The following FAM47E variants were observed in gnomAD, a reference collection of about 807,000 sequenced individuals.
The protein encoded by FAM47E is protein FAM47E.
Under a neutral mutation model 41.6 loss-of-function variants are expected in FAM47E, and 32 were observed. The ratio of observed to expected loss-of-function variants is 0.77; its 90% confidence interval spans 0.58 to 1.03. FAM47E has a LOEUF of 1.03. FAM47E is among the 50% of genes least tolerant of loss of function. FAM47E has a pLI of 0.00. For missense variants in FAM47E, 424 were observed against 485.4 expected (o/e 0.87, Z 1.19); for synonymous variants, 184 against 188.7 (o/e 0.98, Z 0.20).
intron 2 of FAM47E, among the ~76,000 whole-genome samples, chr4:76,239,878 A>G (rs1733670541): frequency 6.6e-6 from 1 of 152,128 alleles, no homozygotes; most frequent in Non-Finnish European, 1.5e-5. Context: ...ACATTAGGTT[A>G]TGGATCTAGT....
At chr4:76,247,932 T>TTTTTG (rs1733864960), upstream of FAM47E, among the ~76,000 whole-genome samples, 1 of 133,764 alleles carries the variant, frequency 7.5e-6, no homozygotes, top group Non-Finnish European at 1.6e-5. Context: ...TTTTTTTTTT[T>TTTTTG]GAGACAGAGT....
intron 2 of FAM47E, among the ~76,000 whole-genome samples, chr4:76,226,242 G>A (rs896967507): frequency 1.3e-5 from 2 of 152,198 alleles, no homozygotes; most frequent in African/African-American, 4.8e-5. Context: ...AAAGAAGCAG[G>A]TGGTGAGGAC....
exon 1 of FAM47E, chr4:76,214,223 C>A: frequency 2.2e-6 from 1 of 454,576 alleles, no homozygotes; most frequent in African/African-American, 2.0e-5. Flanking sequence ...ACACCGTTAC[C>A]GCAATTACAA....
chr4:76,247,910 C>CTTTTTTTT (rs753751295), upstream of FAM47E, among the ~76,000 whole-genome samples: 206 of 86,844 alleles, frequency 2.4e-3, 4 homozygotes, highest in Non-Finnish European at 3.3e-3. Context: ...CACTCTCTCT[C>CTTTTTTTT]TTTTTTTTTT....
intron 2 of FAM47E, among the ~76,000 whole-genome samples, chr4:76,224,135 G>A (rs548593554): frequency 6.6e-6 from 1 of 152,332 alleles, no homozygotes; most frequent in South Asian, 2.1e-4. Flanking sequence ...TGCAAAGTCA[G>A]AAAGAAATCT....
rs755886650 is a variant in FAM47E, at chr4:76,280,256, T to C, written c.1027-8T>C. Reference sequence around the variant, plus strand: ...GACCCCTTTCTTCAAATGTGGGTACTCTTTTAGGAGGAGTTACTTGCAGAC... The same window carrying C: ...GACCCCTTTCTTCAAATGTGGGTACCCTTTTAGGAGGAGTTACTTGCAGAC... On this transcript the variant is annotated splice_region_variant and splice_polypyrimidine_tract_variant and intron_variant, in intron 6 of 7. Transcript: ENST00000424749. 2 of 1,538,610 alleles carry C rather than the reference T, an allele frequency of 1.3e-6. No individual in the cohort carries two copies. Among genetic ancestry groups the C allele is most frequent in the South Asian group, 2.4e-5 (2 of 83,028 alleles).
Position 76,238,116 on chromosome 4 carries a change from A to G in FAM47E, c.81+20428A>G, listed in dbSNP as rs181186732. 2.0e-4 allele frequency among the ~76,000 whole-genome samples: 30 copies of G among 152,274 alleles called. No homozygotes were observed. In the East Asian group the frequency reaches 5.0e-3, roughly 25 times the overall value. ...TTGAATACCAGCTTGAAGAATCTGA[A>G]TTTATTCTGTGTCTAATGGGGAGCC... On this transcript the variant is annotated intron_variant, in intron 2 of 7. Coordinates refer to the FAM47E transcript ENST00000510197.
At chr4:76,240,642 T>G (rs997001307) in intron 2 of FAM47E, among the ~76,000 whole-genome samples, 4 of 152,140 alleles carry the variant, frequency 2.6e-5, no homozygotes, top group Non-Finnish European at 1.5e-5. Context: ...GTTTGTTGAT[T>G]CTTGTGCTTG....
intron 2 of FAM47E, among the ~76,000 whole-genome samples, chr4:76,256,732 T>C (rs1001236111): frequency 6.6e-6 from 1 of 152,166 alleles, no homozygotes; most frequent in African/African-American, 2.4e-5. Context: ...TGCACACTGC[T>C]CTCTTTGCTT....
intron 2 of FAM47E, among the ~76,000 whole-genome samples, chr4:76,233,077 C>G (rs1300439928): frequency 6.6e-6 from 1 of 151,638 alleles, no homozygotes; most frequent in African/African-American, 2.4e-5. Context: ...TTCCTTATAA[C>G]CTTTTACTAA....
intron 2 of FAM47E, among the ~76,000 whole-genome samples, chr4:76,221,908 TA>T (rs1733315962): frequency 6.6e-6 from 1 of 152,016 alleles, no homozygotes; most frequent in East Asian, 1.9e-4. Flanking sequence ...GAACCTAAAA[TA>T]AAAATCAAAG....
chr4:76,217,441 A>AG (rs1733227468), intron 1 of FAM47E: 1 of 400,398 alleles, frequency 2.5e-6, no homozygotes, highest in Admixed American at 4.3e-5. Flanking sequence ...GTTCATGAAT[A>AG]GATTAATGCC....
At chr4:76,230,849 A>G (rs1733480370) in intron 2 of FAM47E, among the ~76,000 whole-genome samples, 1 of 152,128 alleles carries the variant, frequency 6.6e-6, no homozygotes, top group African/African-American at 2.4e-5. Flanking sequence ...GACCTCATTT[A>G]TGCCATGGAC....
chr4:76,251,843 G>A, intron 1 of FAM47E, 23 bp downstream of exon 1: 4 of 1,406,142 alleles, frequency 2.8e-6, no homozygotes, highest in South Asian at 1.5e-5. Context: ...CGCCCGGGCC[G>A]AGGGCGCATC....
chr4:76,216,666 C>T (rs1438234239), intron 1 of FAM47E, among the ~76,000 whole-genome samples: 2 of 152,180 alleles, frequency 1.3e-5, no homozygotes, highest in Non-Finnish European at 2.9e-5. Context: ...CCTCAGTTTA[C>T]CTGCTCTCTG....
At chr4:76,263,676 T>C (rs748885928) in intron 2 of FAM47E, 28 bp from the exon 3 acceptor site, 14 of 1,540,448 alleles carry the variant, frequency 9.1e-6, no homozygotes, top group Non-Finnish European at 3.5e-6. Flanking sequence ...TGTTTTTCTT[T>C]TCCTCTAAGA....
chr4:76,254,265 A>G (rs908803558), intron 1 of FAM47E, among the ~76,000 whole-genome samples: 4 of 152,114 alleles, frequency 2.6e-5, no homozygotes, highest in Non-Finnish European at 5.9e-5. Context: ...GTATGGCTGT[A>G]CTTAAACAAA....
At chr4:76,221,470 TACC>T (rs1733306266) in intron 2 of FAM47E, among the ~76,000 whole-genome samples, 1 of 152,062 alleles carries the variant, frequency 6.6e-6, no homozygotes, top group Non-Finnish European at 1.5e-5. Context: ...AGGCACCTGG[TACC>T]ACATCTGCCT....
chr4:76,282,781 C>G (rs1735410256), intron 7 of FAM47E: 1 of 152,050 alleles, frequency 6.6e-6, no homozygotes, highest in Non-Finnish European at 1.5e-5. Flanking sequence ...TTCTTACATC[C>G]TATATTCTTA....
Sources: allele counts gnomAD v4.1 joint callset (sites outside exome capture counted in the v4.1 genomes callset), GRCh38; gene constraint gnomAD v4.1.1; transcripts MANE v1.5; gene names NCBI Gene and HGNC (gene_info 2026-07-23, HGNC 2026-07-21).